GLB1L2: variants seen among roughly 807,000 people sequenced by gnomAD.
GLB1L2 encodes beta-galactosidase-1-like protein 2.
GLB1L2 carries 68 observed loss-of-function variants against 84.1 expected under a neutral mutation model. That is an observed-to-expected ratio of 0.81 (90% CI 0.67 to 0.99). The LOEUF (loss-of-function observed/expected upper bound fraction) is 0.99. GLB1L2 is among the 50% of genes least tolerant of loss of function. GLB1L2 has a pLI of 0.00. For missense variants in GLB1L2, 762 were observed against 805.6 expected, an observed-to-expected ratio of 0.95 and a Z score of 0.66; for synonymous variants, 290 against 318.0, an observed-to-expected ratio of 0.91 and a Z score of 0.94.
chr11:134,368,367 A>G (rs1943893079), intron 9 of GLB1L2, among the ~76,000 whole-genome samples: 1 of 152,152 alleles, frequency 6.6e-6, no homozygotes, highest in African/African-American at 2.4e-5. Flanking sequence ...GCCCTGGCCG[A>G]CCTGGGCTGC....
chr11:134,366,584 GC>G (rs150329460), intron 8 of GLB1L2, among the ~76,000 whole-genome samples: 17,171 of 152,206 alleles, frequency 0.11, 1,080 homozygotes, highest in Non-Finnish European at 0.14. Flanking sequence ...GCAGAGTGGA[GC>G]ATGGTCCCAG....
At chr11:134,337,720 T>C (rs1007951546) in intron 1 of GLB1L2, among the ~76,000 whole-genome samples, 4 of 152,174 alleles carry the variant, frequency 2.6e-5, no homozygotes, top group African/African-American at 7.2e-5. Flanking sequence ...TCCCATGTGT[T>C]TGATGTCTTT....
chr11:134,342,701 G>C (rs987148509), intron 1 of GLB1L2, 53 bp from the exon 2 acceptor site: 1 of 1,549,636 alleles, frequency 6.5e-7, no homozygotes, highest in Non-Finnish European at 8.8e-7. Context: ...CGAGGAAGCC[G>C]ATCTCTCTGC....
chr11:134,335,445 C>T (rs1430300772), intron 1 of GLB1L2, among the ~76,000 whole-genome samples: 7 of 152,028 alleles, frequency 4.6e-5, no homozygotes, highest in African/African-American at 9.7e-5. Context: ...TTTTCAGCAT[C>T]GGGGAAGTGT....
intron 5 of GLB1L2, among the ~76,000 whole-genome samples, chr11:134,351,942 C>A (rs1943640638): frequency 6.6e-6 from 1 of 152,110 alleles, no homozygotes; most frequent in African/African-American, 2.4e-5. Flanking sequence ...GAGTTTATTA[C>A]TGTATTCTAC....
intron 2 of GLB1L2, among the ~76,000 whole-genome samples, chr11:134,343,919 G>A (rs186170954): frequency 8.5e-5 from 13 of 152,256 alleles, no homozygotes; most frequent in Non-Finnish European, 1.3e-4. Context: ...TCCATGAGTC[G>A]TCCCTTCCGC....
At chr11:134,346,086 G>A (rs1943548979) in intron 4 of GLB1L2, among the ~76,000 whole-genome samples, 1 of 152,158 alleles carries the variant, frequency 6.6e-6, no homozygotes, top group Non-Finnish European at 1.5e-5. Flanking sequence ...CAGGGAAGAG[G>A]CTGATCCTTG....
At chr11:134,355,287 T>C (rs905043734) in intron 5 of GLB1L2, among the ~76,000 whole-genome samples, 48 of 152,320 alleles carry the variant, frequency 3.2e-4, no homozygotes, top group African/African-American at 1.1e-3. Flanking sequence ...ACAGCTGTTA[T>C]AGATCTTGCT....
intron 4 of GLB1L2, among the ~76,000 whole-genome samples, chr11:134,345,604 A>G (rs1242411524): frequency 6.6e-6 from 1 of 152,024 alleles, no homozygotes; most frequent in South Asian, 2.1e-4. Flanking sequence ...CCGAGTAGCT[A>G]GGGTTACAGG....
intron 1 of GLB1L2, among the ~76,000 whole-genome samples, chr11:134,337,844 G>T (rs901252942): frequency 6.6e-6 from 1 of 152,158 alleles, no homozygotes; most frequent in Non-Finnish European, 1.5e-5. Context: ...CCTGGATTTG[G>T]ATTCAGTTGA....
At position 134,374,630 on chromosome 11, in the gene GLB1L2, A is replaced by T. The variant is rs371809151; in HGVS notation, c.1736A>T (p.Asn579Ile). The T allele has an allele frequency of 6.2e-6, 10 of 1,614,034 alleles. No individual in the cohort carries two copies. In the South Asian group the frequency reaches 9.9e-5, roughly 16 times the overall value. Residue 579 changes from asparagine (N) to isoleucine (I), a missense_variant, in exon 18 of 19, where the codon AAT (asparagine) becomes ATT (isoleucine). Asn to Ile is a moderately radical substitution (Grantham distance 149). Transcript: ENST00000535456. ...TGGGAGAAGGGGGTTGTATTCATCA[A>T]TGGCCAGAACCTTGGACGTTACTGG... ...EGWEKGVVFI[N>I]GQNLGRYWNI...
chr11:134,352,444 T>C (rs1367398137), intron 5 of GLB1L2, among the ~76,000 whole-genome samples: 1 of 152,072 alleles, frequency 6.6e-6, no homozygotes, highest in Non-Finnish European at 1.5e-5. Context: ...ATTGTCTATC[T>C]CTGCTCTAAT....
At chr11:134,345,214 A>G (rs1943537847) in intron 4 of GLB1L2, 85 bp downstream of exon 4, 2 of 1,220,984 alleles carry the variant, frequency 1.6e-6, no homozygotes, top group African/African-American at 1.7e-5. Context: ...TCCAGTTCCC[A>G]TTCTGTACTG....
intron 5 of GLB1L2, 147 bp downstream of exon 5, chr11:134,347,580 G>A (rs186988138): frequency 1.9e-4 from 124 of 636,332 alleles, no homozygotes; most frequent in South Asian, 1.3e-3. Flanking sequence ...GTAACTGAGG[G>A]GCTTGCAAGA....
chr11:134,337,092 T>C lies in GLB1L2; in HGVS notation c.86+4945T>C, dbSNP rs534611029. Among the ~76,000 whole-genome samples the C allele has an allele frequency of 2.0e-5, 3 of 152,356 alleles. No homozygotes were observed. The South Asian group carries it at 6.2e-4, about 32-fold the overall frequency. The stretch of plus-strand genomic sequence containing the variant: ...AACTCTTCTTCATGTACTCACTTCC[T>C]ACAGTCTTTAGGAAATAACTGCTCT... On this transcript the variant is annotated intron_variant, in intron 1 of 18. Coordinates refer to ENST00000535456, the MANE Select transcript of GLB1L2 (RefSeq NM_001370461.1).
intron 1 of GLB1L2, among the ~76,000 whole-genome samples, chr11:134,336,834 CAG>C (rs1487477102): frequency 1.3e-5 from 2 of 152,248 alleles, no homozygotes; most frequent in East Asian, 3.9e-4. Context: ...TCTTGAAGAT[CAG>C]GGGCTTGTTA....
At position 134,345,461 on chromosome 11, in the gene GLB1L2, C is replaced by A. The variant is rs78787361; in HGVS notation, c.449+332C>A. ...GCGTGTCTGCAGTATGGGAAAAATCCGACCTTCCCTGTCTGTTTCTTTTTT... is the reference window on the plus strand; with the variant it reads ...GCGTGTCTGCAGTATGGGAAAAATCAGACCTTCCCTGTCTGTTTCTTTTTT... On this transcript the variant is annotated intron_variant, in intron 4 of 18. Transcript: ENST00000535456. Among the ~76,000 whole-genome samples the A allele has an allele frequency of 6.3e-3, 954 of 152,290 alleles. 12 individuals are homozygous for A. Among genetic ancestry groups the A allele is most frequent in the African/African-American group, 0.021 (892 of 41,548 alleles).
At chr11:134,332,420 G>T (rs1449045106) in intron 1 of GLB1L2, among the ~76,000 whole-genome samples, 1 of 151,860 alleles carries the variant, frequency 6.6e-6, no homozygotes, top group Non-Finnish European at 1.5e-5. Context: ...CGCCTGTGAC[G>T]CCGGGCTCTG....
At chr11:134,347,483 C>A in intron 5 of GLB1L2, 50 bp downstream of exon 5, 1 of 1,295,164 alleles carries the variant, frequency 7.7e-7, no homozygotes, top group Non-Finnish European at 1.1e-6. Context: ...TCCTCTAGGT[C>A]GTGGATCATC....
Sources: gnomAD v4.1 joint callset for allele counts (sites outside exome capture counted in the v4.1 genomes callset) on GRCh38, gnomAD v4.1.1 for gene constraint, MANE v1.5 for transcripts, NCBI Gene and HGNC (gene_info 2026-07-23, HGNC 2026-07-21) for gene names.